The following TRAF2 variants were observed in gnomAD, a reference collection of about 807,000 sequenced individuals.
The protein encoded by TRAF2 is TNF receptor associated factor 2.
In TRAF2, 6 loss-of-function variants were observed where a neutral mutation model predicts 55.6. The observed-to-expected ratio is 0.11, with a 90% CI of 0.06 to 0.21. The LOEUF (loss-of-function observed/expected upper bound fraction) is 0.21, where lower values mean the gene tolerates loss of function less well. Ranked by LOEUF, TRAF2 falls within the 10% of genes least tolerant of loss-of-function variation. The probability of loss-of-function intolerance (pLI) is 1.00; values close to 1 mark genes in which losing one functional copy is unlikely to be tolerated. For missense variants in TRAF2, 561 were observed against 684.5 expected (o/e 0.82, Z 2.01); for synonymous variants, 329 against 276.3 (o/e 1.19, Z -1.89).
chr9:136,900,569 A>AGTC lies in TRAF2; in HGVS notation c.366+53_366+55dup, dbSNP rs769784119. ...GGTGACAGAAGCTCCAGCAGTCGGG[A>AGTC]GTCGTCCACGCTCCCCAAGCAGTTA... On this transcript the variant is annotated intron_variant, in intron 4 of 10. Transcript: ENST00000247668. The AGTC allele has an allele frequency of 6.9e-5, 103 of 1,495,478 alleles. No individual in the cohort carries two copies. In the African/African-American group the frequency reaches 1.3e-3, roughly 19 times the overall value. 92.6% of individuals were successfully genotyped at this position (1,495,478 alleles called of 1,614,324 possible).
Position 136,910,010 on chromosome 9 carries a change from C to T in TRAF2, c.603+16C>T. ...CCGGGAGAAGGTGAGTGTCCTTCAC[C>T]TCCTTGGAGGACCGCAGGGCGGGGC... On this transcript the variant is annotated intron_variant, in intron 6 of 10. Transcript: ENST00000247668. 6.2e-7 allele frequency: 1 copy of T among 1,612,276 alleles called. No homozygotes were observed. The highest frequency in any genetic ancestry group is 8.5e-7 in the Non-Finnish European group (1 of 1,179,134).
chr9:136,914,963 T>A (rs1336099983), intron 6 of TRAF2, among the ~76,000 whole-genome samples: 2 of 152,138 alleles, frequency 1.3e-5, no homozygotes, highest in Non-Finnish European at 2.9e-5. Context: ...GCGGATCACC[T>A]GAGCTCAGGA....
At chr9:136,924,030 G>A in intron 10 of TRAF2, 30 bp downstream of exon 10, 1 of 1,608,250 alleles carries the variant, frequency 6.2e-7, no homozygotes, top group Non-Finnish European at 8.5e-7. Flanking sequence ...CTTCGCTAGG[G>A]CCGCACCTGG....
rs758259445 is a variant in TRAF2, at chr9:136,900,169, TA to T, written c.268-240del. Among the ~76,000 whole-genome samples, 773 of 106,658 alleles carry T rather than the reference TA, an allele frequency of 7.2e-3. 7 individuals are homozygous for T. Among genetic ancestry groups the T allele is most frequent in the African/African-American group, 0.03 (654 of 21,744 alleles). The allele number at this position is 106,658 out of a possible 152,430, so 70.0% of individuals were successfully genotyped here. A position where few individuals can be genotyped will look rare whatever the true frequency, so the allele number is the denominator to read the frequency against. ...GGGTTACAAAGTGAGACCCCTCCTT[TA>T]AAAAAAAAAAAAGAATAAAGGGCCG... On this transcript the variant is annotated intron_variant, in intron 3 of 10. Transcript: ENST00000247668.
intron 1 of TRAF2, among the ~76,000 whole-genome samples, chr9:136,895,072 T>C (rs903365022): frequency 2.0e-4 from 30 of 152,288 alleles, no homozygotes; most frequent in African/African-American, 7.2e-4. Context: ...GACCTCTTTC[T>C]GGCACAGCAA....
At chr9:136,883,691 A>AT (rs1849400005), upstream of TRAF2, among the ~76,000 whole-genome samples, 1 of 151,182 alleles carries the variant, frequency 6.6e-6, no homozygotes, top group Non-Finnish European at 1.5e-5. Context: ...TGATTTTTGT[A>AT]TTTTTAGTAG....
At chr9:136,920,621 A>ATG in intron 8 of TRAF2, 106 bp downstream of exon 8, 15 of 1,382,124 alleles carry the variant, frequency 1.1e-5, no homozygotes, top group Non-Finnish European at 1.4e-5. Flanking sequence ...AGCCCGGACA[A>ATG]TGTAGAACTC....
At chr9:136,907,946 C>A in intron 4 of TRAF2, 124 bp from the exon 5 acceptor site, 1 of 1,239,326 alleles carries the variant, frequency 8.1e-7, no homozygotes. Context: ...CTGCAGAGGG[C>A]GGCCCCCAGG....
upstream of TRAF2, chr9:136,885,926 G>C (rs1007893784): frequency 1.3e-5 from 2 of 152,268 alleles, no homozygotes; most frequent in African/African-American, 4.8e-5. Context: ...TTTTAGTCCT[G>C]TTTCTCATAA....
Position 136,926,475 on chromosome 9 carries a change from T to C in TRAF2, c.*574T>C. 1 of 136,840 alleles carries C rather than the reference T, an allele frequency of 7.3e-6. No homozygotes were observed. The highest frequency in any genetic ancestry group is 1.3e-5 in the Non-Finnish European group (1 of 75,418). 8.5% of individuals were successfully genotyped at this position (136,840 alleles called of 1,614,324 possible). Reference sequence around the variant, plus strand: ...TGTGCCACCTTGGCCAGGCTGGCTGTGGGAGAGGGTCTGGTCCCACGCCGC... The same window carrying C: ...TGTGCCACCTTGGCCAGGCTGGCTGCGGGAGAGGGTCTGGTCCCACGCCGC... On this transcript the variant is annotated 3_prime_UTR_variant, in exon 11 of 11. Coordinates refer to ENST00000247668, the MANE Select transcript of TRAF2 (RefSeq NM_021138.4).
At chr9:136,901,016 T>C (rs1849807933) in intron 4 of TRAF2, among the ~76,000 whole-genome samples, 1 of 152,192 alleles carries the variant, frequency 6.6e-6, no homozygotes, top group African/African-American at 2.4e-5. Flanking sequence ...ACACTGGAAA[T>C]TGCAGAAATA....
chr9:136,924,961 T>A lies in TRAF2; in HGVS notation c.1288-722T>A, dbSNP rs183420439. Among the ~76,000 whole-genome samples the A allele has an allele frequency of 1.3e-3, 201 of 152,270 alleles. 1 individual carries two copies. The highest frequency in any genetic ancestry group is 2.7e-3 in the South Asian group (13 of 4,824). ...TCCATGTTGGCCAGGCTGGTCTTGA[T>A]CTCCTGACCTTGTGATCCGCCCACC... On this transcript the variant is annotated intron_variant, in intron 10 of 10. Coordinates refer to ENST00000247668, the MANE Select transcript of TRAF2 (RefSeq NM_021138.4).
intron 6 of TRAF2, 30 bp from the exon 7 acceptor site, chr9:136,916,511 A>G: frequency 6.2e-7 from 1 of 1,611,208 alleles, no homozygotes; most frequent in Non-Finnish European, 8.5e-7. Flanking sequence ...GAACAGAGAA[A>G]GATGGCTCTG....
At chr9:136,882,074 T>C, upstream of TRAF2, 1 of 981,666 alleles carries the variant, frequency 1.0e-6, no homozygotes, top group Non-Finnish European at 1.2e-6. Context: ...CACACAAGGG[T>C]CCCTTGTTCA....
chr9:136,919,042 A>ATATATATATATTTATTTATT (rs149167081), intron 7 of TRAF2, among the ~76,000 whole-genome samples: 3 of 138,326 alleles, frequency 2.2e-5, no homozygotes, highest in African/African-American at 8.2e-5. Context: ...GCCTATTTTA[A>ATATATATATATTTATTTATT]TATTTATTTA....
At chr9:136,906,600 G>T (rs998525650) in intron 4 of TRAF2, among the ~76,000 whole-genome samples, 4 of 152,076 alleles carry the variant, frequency 2.6e-5, no homozygotes, top group African/African-American at 9.7e-5. Flanking sequence ...TTTGGGTGGG[G>T]ACACAGCCAA....
chr9:136,898,941 T>G lies in TRAF2; in HGVS notation c.188+13T>G. On this transcript the variant is annotated intron_variant, in intron 2 of 10. Transcript: ENST00000247668. ...CCAGCATCCTCAGGTGCATGGGGCCTGCAGGCTGGGAGGAGGGGCAGGCAG... is the reference window on the plus strand; with the variant it reads ...CCAGCATCCTCAGGTGCATGGGGCCGGCAGGCTGGGAGGAGGGGCAGGCAG... The G allele has an allele frequency of 6.3e-7, 1 of 1,592,002 alleles. No homozygotes were observed.
At chr9:136,900,287 C>A in intron 3 of TRAF2, 135 bp from the exon 4 acceptor site, 1 of 564,068 alleles carries the variant, frequency 1.8e-6, no homozygotes, top group Non-Finnish European at 3.1e-6. Flanking sequence ...ATCAGAGAGT[C>A]ATCCTCTGCT....
chr9:136,916,074 A>T (rs1850234166), intron 6 of TRAF2, among the ~76,000 whole-genome samples: 1 of 152,012 alleles, frequency 6.6e-6, no homozygotes, highest in Non-Finnish European at 1.5e-5. Flanking sequence ...CCCTGGTTCG[A>T]TGTTCCTGTT....
Sources: gnomAD v4.1 joint callset for allele counts (sites outside exome capture counted in the v4.1 genomes callset) on GRCh38, gnomAD v4.1.1 for gene constraint, MANE v1.5 for transcripts, NCBI Gene and HGNC (gene_info 2026-07-23, HGNC 2026-07-21) for gene names.